The following EYA2 variants were observed in gnomAD, a reference collection of about 807,000 sequenced individuals.
EYA2 encodes the protein EYA transcriptional coactivator and phosphatase 2, also known as protein phosphatase EYA2.
Under a neutral mutation model 69.2 loss-of-function variants are expected in EYA2, and 31 were observed. The ratio of observed to expected loss-of-function variants is 0.45; its 90% CI spans 0.34 to 0.60. EYA2 has a LOEUF of 0.60. Among genes scored for constraint, EYA2 ranks in the 20% least tolerant of loss-of-function variants. The pLI is 0.02. For synonymous variants in EYA2, 257 were observed against 279.4 expected (o/e 0.92, Z 0.80); for missense variants, 622 against 701.2 (o/e 0.89, Z 1.28).
intron 7 of EYA2, among the ~76,000 whole-genome samples, chr20:47,076,833 A>G (rs2031535234): frequency 6.6e-6 from 1 of 152,132 alleles, no homozygotes. Flanking sequence ...GGTGGCAAAG[A>G]TGGCCACCAG....
intron 1 of EYA2, among the ~76,000 whole-genome samples, chr20:46,921,750 A>C (rs963016138): frequency 1.3e-5 from 2 of 152,246 alleles, no homozygotes; most frequent in Non-Finnish European, 2.9e-5. Flanking sequence ...TATGGAGGGC[A>C]AAAGATTCCC....
At chr20:47,146,539 A>T (rs1227437220) in intron 10 of EYA2, among the ~76,000 whole-genome samples, 1 of 152,232 alleles carries the variant, frequency 6.6e-6, no homozygotes, top group Non-Finnish European at 1.5e-5. Flanking sequence ...TCCCAGTGCC[A>T]GAAGCCCCCC....
intron 5 of EYA2, among the ~76,000 whole-genome samples, chr20:47,052,758 CTGTCACCATACACG>C (rs2030402442): frequency 1.3e-5 from 2 of 152,158 alleles, no homozygotes; most frequent in South Asian, 4.2e-4. Flanking sequence ...GTAGCTGGGA[CTGTCACCATACACG>C]TGTCACCATA....
chr20:47,137,519 T>C (rs3787242), intron 9 of EYA2, among the ~76,000 whole-genome samples: 2,610 of 152,274 alleles, frequency 0.017, 111 homozygotes, highest in East Asian at 0.16. Context: ...GTGAAAGCTG[T>C]CTATTTTAGG....
intron 15 of EYA2, among the ~76,000 whole-genome samples, chr20:47,184,536 A>G (rs6018329): frequency 0.57 from 84,345 of 148,536 alleles, 25,549 homozygotes; most frequent in African/African-American, 0.81. Context: ...TCCCACTTCC[A>G]CCTCTAAGTA....
At chr20:46,920,245 A>G (rs1183108976) in intron 1 of EYA2, among the ~76,000 whole-genome samples, 1 of 151,334 alleles carries the variant, frequency 6.6e-6, no homozygotes, top group African/African-American at 2.4e-5. Flanking sequence ...AAAAAAAAAA[A>G]CAGTATCTGC....
intron 7 of EYA2, among the ~76,000 whole-genome samples, chr20:47,086,811 GT>G (rs35580780): frequency 0.012 from 1,754 of 145,476 alleles, 21 homozygotes; most frequent in African/African-American, 0.03. Flanking sequence ...TTTTTTTGTT[GT>G]TTTTTTTTTT....
At chr20:47,184,092 C>T (rs926280024) in intron 15 of EYA2, among the ~76,000 whole-genome samples, 8 of 152,164 alleles carry the variant, frequency 5.3e-5, no homozygotes, top group Non-Finnish European at 8.8e-5. Flanking sequence ...GAGAGGGCCC[C>T]GGGAGAGAGG....
Position 47,156,127 on chromosome 20 carries a change from CATAT to C in EYA2, c.979-12957_979-12954del, listed in dbSNP as rs752111640. ...ACACACACACACACACACACACACACATATATATATATATATATATATATATATA... is the reference window on the plus strand; with the variant it reads ...ACACACACACACACACACACACACACATATATATATATATATATATATATA... On this transcript the variant is annotated intron_variant, in intron 10 of 15. Transcript: ENST00000327619. Among the ~76,000 whole-genome samples, 113 of 14,284 alleles carry C rather than the reference CATAT, an allele frequency of 7.9e-3. 1 individual carries two copies. The highest frequency in any genetic ancestry group is 0.014 in the Admixed American group (13 of 950). 9.4% of individuals were successfully genotyped at this position (14,284 alleles called of 152,430 possible). A position where few individuals can be genotyped will look rare whatever the true frequency, so the allele number is the denominator to read the frequency against.
chr20:47,118,778 G>A (rs907447832), intron 9 of EYA2, among the ~76,000 whole-genome samples: 2 of 152,132 alleles, frequency 1.3e-5, no homozygotes, highest in Non-Finnish European at 2.9e-5. Context: ...AGTTCTGAGC[G>A]AGTTAAGTCT....
chr20:47,077,929 A>G (rs2031574433), intron 7 of EYA2, among the ~76,000 whole-genome samples: 1 of 152,238 alleles, frequency 6.6e-6, no homozygotes, highest in East Asian at 1.9e-4. Context: ...TTGATGAGAA[A>G]TTAGGGCAGA....
At chr20:47,061,214 C>T (rs1435732283) in intron 5 of EYA2, among the ~76,000 whole-genome samples, 1 of 152,100 alleles carries the variant, frequency 6.6e-6, no homozygotes, top group African/African-American at 2.4e-5. Flanking sequence ...TTTCCCTAGC[C>T]TTGAAGAATT....
intron 1 of EYA2, among the ~76,000 whole-genome samples, chr20:46,918,570 G>A (rs1164582761): frequency 1.3e-5 from 2 of 152,262 alleles, no homozygotes; most frequent in African/African-American, 4.8e-5. Flanking sequence ...GCCTCCCAAA[G>A]TGCTGGGATA....
At chr20:46,990,659 C>T (rs1212464746) in intron 2 of EYA2, among the ~76,000 whole-genome samples, 3 of 152,232 alleles carry the variant, frequency 2.0e-5, no homozygotes, top group African/African-American at 7.2e-5. Flanking sequence ...TAGAACAATT[C>T]CAGCTATTGT....
At chr20:46,904,223 C>A (rs979527525) in intron 1 of EYA2, among the ~76,000 whole-genome samples, 2 of 152,046 alleles carry the variant, frequency 1.3e-5, no homozygotes, top group African/African-American at 4.8e-5. Context: ...GAGTGGCTGG[C>A]ACACCGAGCA....
In EYA2 at chr20:47,004,986, C is replaced by G. The variant is rs939813309; in HGVS notation, c.200C>G (p.Ala67Gly). The change falls in exon 4 of 16, where the codon GCA (alanine) becomes GGA (glycine). Residue 67 changes from alanine (A) to glycine (G), a missense_variant. Ala to Gly is a moderately conservative substitution (Grantham distance 60). Transcript: ENST00000327619. The part of the protein sequence containing the change: ...VLPRQPSTAM[A>G]AYGQTQYSAG... ...CCCCGCCAGCCTTCCACAGCCATGG[C>G]AGCCTACGGCCAGACGCAGTACAGT... The G allele has an allele frequency of 1.2e-6, 2 of 1,614,006 alleles. No individual in the cohort carries two copies. The highest frequency in any genetic ancestry group is 1.7e-6 in the Non-Finnish European group (2 of 1,180,012).
chr20:47,027,161 G>T (rs1010765703), intron 5 of EYA2, among the ~76,000 whole-genome samples: 1 of 152,218 alleles, frequency 6.6e-6, no homozygotes, highest in African/African-American at 2.4e-5. Context: ...TGAGTGATAG[G>T]TGTGGCCATA....
At chr20:47,077,374 A>G (rs1165830826) in intron 7 of EYA2, among the ~76,000 whole-genome samples, 2 of 152,248 alleles carry the variant, frequency 1.3e-5, no homozygotes, top group African/African-American at 2.4e-5. Context: ...GCTTATCAAC[A>G]TTAAATAACA....
intron 9 of EYA2, chr20:47,117,533 G>A (rs2032934509): frequency 1.0e-6 from 1 of 985,362 alleles, no homozygotes; most frequent in Non-Finnish European, 1.2e-6. Flanking sequence ...CGTGATTCCG[G>A]CTTGGATTCC....
Sources: allele counts gnomAD v4.1 joint callset (sites outside exome capture counted in the v4.1 genomes callset), GRCh38; gene constraint gnomAD v4.1.1; transcripts MANE v1.5; gene names NCBI Gene and HGNC (gene_info 2026-07-23, HGNC 2026-07-21).